SLC26A7: variants seen among roughly 807,000 people sequenced by gnomAD.
SLC26A7 encodes the protein anion exchange transporter.
Under a neutral mutation model 82.5 loss-of-function variants are expected in SLC26A7, and 59 were observed. The observed-to-expected ratio is 0.72, with a 90% confidence interval of 0.58 to 0.89. The LOEUF (loss-of-function observed/expected upper bound fraction) is 0.89. SLC26A7 is among the 40% of genes least tolerant of loss of function. The pLI, the probability that SLC26A7 is intolerant of heterozygous loss-of-function variation, is 0.00. For missense variants in SLC26A7, 820 were observed against 793.0 expected, an observed-to-expected ratio of 1.03 and a Z score of -0.41; for synonymous variants, 271 against 274.3, an observed-to-expected ratio of 0.99 and a Z score of 0.12.
chr8:91,244,760 A>G (rs767107035), upstream of SLC26A7, among the ~76,000 whole-genome samples: 1 of 152,010 alleles, frequency 6.6e-6, no homozygotes, highest in African/African-American at 2.4e-5. Context: ...TGCTCAAGTT[A>G]TCCTCCCACC....
At chr8:91,267,871 T>C (rs1259076686) in intron 2 of SLC26A7, among the ~76,000 whole-genome samples, 1 of 151,858 alleles carries the variant, frequency 6.6e-6, no homozygotes, top group Non-Finnish European at 1.5e-5. Flanking sequence ...ACTTCTTGAA[T>C]GTAGGGATTT....
At chr8:91,265,194 T>C (rs764588096) in intron 2 of SLC26A7, among the ~76,000 whole-genome samples, 1 of 152,116 alleles carries the variant, frequency 6.6e-6, no homozygotes, top group Non-Finnish European at 1.5e-5. Flanking sequence ...TCCAGGTTCA[T>C]CCATGTTTGT....
rs553914091 is a variant in SLC26A7 at position 91,306,030 on chromosome 8, T to C, written c.477+10327T>C. ...CACTCACTCCTGTAAAACTCCCTTTTCACTACTTTTACAGTGGACTATATT... is the reference window on the plus strand; with the variant it reads ...CACTCACTCCTGTAAAACTCCCTTTCCACTACTTTTACAGTGGACTATATT... On this transcript the variant is annotated intron_variant, in intron 4 of 18. Coordinates refer to ENST00000276609, the MANE Select transcript of SLC26A7 (RefSeq NM_052832.4). 5.4e-4 allele frequency among the ~76,000 whole-genome samples: 83 copies of C among 152,306 alleles called. No homozygotes were observed. The South Asian group carries it at 0.017, about 32-fold the overall frequency.
At chr8:91,299,441 A>G (rs1313934213) in intron 4 of SLC26A7, among the ~76,000 whole-genome samples, 1 of 151,724 alleles carries the variant, frequency 6.6e-6, no homozygotes, top group East Asian at 1.9e-4. Context: ...TTTTATATAT[A>G]CATTCCTGAT....
chr8:91,292,210 C>T (rs1001050168), intron 3 of SLC26A7, among the ~76,000 whole-genome samples: 12 of 150,296 alleles, frequency 8.0e-5, no homozygotes, highest in South Asian at 2.1e-4. Context: ...GAGGCTGAGG[C>T]GGGGAGAATG....
In SLC26A7 at chr8:91,394,027, C is replaced by T. The variant is rs1166990975; in HGVS notation, c.1923C>T (p.Ile641=). 35 of 1,612,942 alleles carry T rather than the reference C, an allele frequency of 2.2e-5. No homozygotes were observed. The highest frequency in any genetic ancestry group is 2.9e-5 in the Non-Finnish European group (34 of 1,179,162). Residue 641 remains isoleucine, a synonymous_variant, in exon 18 of 19, where the codon ATC becomes ATT. Coordinates refer to ENST00000276609, the MANE Select transcript of SLC26A7 (RefSeq NM_052832.4). The part of the protein sequence containing the change: ...FESVSAAISH[I]HSNKNLSKLS... ...CGGTATCTGCTGCAATAAGTCATAT[C>T]CATTCAAATAAGGTGAGTTGATTAA...
intron 1 of SLC26A7, among the ~76,000 whole-genome samples, chr8:91,217,343 G>A (rs138199137): frequency 6.6e-6 from 1 of 152,234 alleles, no homozygotes; most frequent in East Asian, 1.9e-4. Flanking sequence ...TCTAAATTAG[G>A]TTTCCAAATT....
At chr8:91,228,614 A>G (rs1476954374) in intron 2 of SLC26A7, among the ~76,000 whole-genome samples, 1 of 151,906 alleles carries the variant, frequency 6.6e-6, no homozygotes, top group Non-Finnish European at 1.5e-5. Context: ...AAGTAATTTG[A>G]TACATATTTG....
intron 15 of SLC26A7, among the ~76,000 whole-genome samples, chr8:91,380,034 T>C (rs67282141): frequency 0.072 from 10,928 of 152,090 alleles, 397 homozygotes; most frequent in African/African-American, 0.09. Context: ...TATATACATA[T>C]AGGAATATGC....
chr8:91,328,889 GA>G (rs1269140617), intron 5 of SLC26A7, among the ~76,000 whole-genome samples: 3 of 152,050 alleles, frequency 2.0e-5, no homozygotes, highest in Non-Finnish European at 4.4e-5. Context: ...TATGCATATT[GA>G]TATTTTTCAT....
chr8:91,325,120 C>T (rs1056159838), intron 5 of SLC26A7, among the ~76,000 whole-genome samples: 1 of 152,120 alleles, frequency 6.6e-6, no homozygotes, highest in Non-Finnish European at 1.5e-5. Context: ...GAGACAAGAC[C>T]AAGAACTACA....
chr8:91,352,839 C>T, intron 10 of SLC26A7, 62 bp from the exon 11 acceptor site: 2 of 1,284,896 alleles, frequency 1.6e-6, no homozygotes, highest in African/African-American at 1.5e-5. Flanking sequence ...ATACCTTAGC[C>T]CTTTTAAATT....
intron 3 of SLC26A7, among the ~76,000 whole-genome samples, chr8:91,290,953 T>G (rs4478534): frequency 0.088 from 13,376 of 152,180 alleles, 861 homozygotes; most frequent in African/African-American, 0.18. Context: ...TTGTTAAAAG[T>G]GCAAAGCCTT....
intron 11 of SLC26A7, among the ~76,000 whole-genome samples, chr8:91,362,126 T>A (rs1245895582): frequency 4.1e-4 from 62 of 151,766 alleles, no homozygotes. Flanking sequence ...TGGCAGTGTC[T>A]GGAAATAAAA....
rs1294164086 is a variant in SLC26A7 at position 91,289,168 on chromosome 8, C to T, written c.226C>T (p.Pro76Ser). ...CTTTGCTGTTCTCTCATCTGTGCAC[C>T]CAGTGTTTGGTTTATATGGGTCTCT... Reference protein sequence around the residue: ...LAFAVLSSVHPVFGLYGSLFP... With the variant: ...LAFAVLSSVHSVFGLYGSLFP... Residue 76 changes from proline (P) to serine (S), a missense_variant, in exon 3 of 19, where the codon CCA becomes TCA. Transcript: ENST00000276609. 6.2e-7 allele frequency: 1 copy of T among 1,613,890 alleles called. No individual in the cohort carries two copies. The highest frequency in any genetic ancestry group is 1.7e-5 in the Admixed American group (1 of 60,006).
chr8:91,364,512 A>G (rs181444707), intron 13 of SLC26A7, among the ~76,000 whole-genome samples: 1 of 152,274 alleles, frequency 6.6e-6, no homozygotes, highest in East Asian at 1.9e-4. Flanking sequence ...CAAGTTTTCC[A>G]CCAACTTTGC....
At chr8:91,245,912 G>T (rs1297316903), upstream of SLC26A7, among the ~76,000 whole-genome samples, 1 of 152,134 alleles carries the variant, frequency 6.6e-6, no homozygotes, top group Non-Finnish European at 1.5e-5. Flanking sequence ...ACCCATGAGG[G>T]TGTCTGTCTA....
chr8:91,259,750 C>T (rs1810910506), intron 2 of SLC26A7, among the ~76,000 whole-genome samples: 1 of 152,042 alleles, frequency 6.6e-6, no homozygotes, highest in Non-Finnish European at 1.5e-5. Flanking sequence ...TTATAACCTA[C>T]CATATTTCAG....
At chr8:91,345,639 A>G (rs919032732) in intron 9 of SLC26A7, among the ~76,000 whole-genome samples, 7 of 152,176 alleles carry the variant, frequency 4.6e-5, no homozygotes, top group African/African-American at 9.7e-5. Context: ...TCAAGATGCA[A>G]TGAGACAGTT....
Sources: allele counts gnomAD v4.1 joint callset (sites outside exome capture counted in the v4.1 genomes callset), GRCh38; gene constraint gnomAD v4.1.1; transcripts MANE v1.5; gene names NCBI Gene and HGNC (gene_info 2026-07-23, HGNC 2026-07-21).